The following SIM2 variants were observed in gnomAD, a reference collection of about 807,000 sequenced individuals.
The protein encoded by SIM2 is single-minded homolog 2.
A neutral mutation model predicts 64.8 loss-of-function variants in SIM2; 28 were observed. That is an observed-to-expected ratio of 0.43 (90% CI 0.32 to 0.59). The LOEUF is 0.59. Ranked by LOEUF, SIM2 falls within the 20% of genes least tolerant of loss-of-function variation. The probability of loss-of-function intolerance (pLI) is 0.07; values close to 1 mark genes in which losing one functional copy is unlikely to be tolerated. For missense variants in SIM2, 847 were observed against 871.4 expected, an observed-to-expected ratio of 0.97 and a Z score of 0.35; for synonymous variants, 408 against 391.1, an observed-to-expected ratio of 1.04 and a Z score of -0.51.
chr21:36,736,449 C>G (rs2089049584), intron 7 of SIM2, among the ~76,000 whole-genome samples: 1 of 152,208 alleles, frequency 6.6e-6, no homozygotes, highest in Non-Finnish European at 1.5e-5. Context: ...AGAATATTAT[C>G]TTCACTGGGA....
intron 1 of SIM2, 46 bp from the exon 2 acceptor site, chr21:36,709,122 G>A (rs762862050): frequency 6.5e-7 from 1 of 1,541,850 alleles, no homozygotes; most frequent in South Asian, 1.2e-5. Flanking sequence ...CCCAGGCATC[G>A]GGCTGGGCGC....
In SIM2 at chr21:36,723,102, A is replaced by T. The variant is rs865950932; in HGVS notation, c.515A>T (p.Asn172Ile). The T allele has an allele frequency of 1.9e-6, 3 of 1,614,100 alleles. No homozygotes were observed. The highest frequency in any genetic ancestry group is 2.5e-6 in the Non-Finnish European group (3 of 1,180,008). The change falls in exon 5 of 11, where the codon AAC (asparagine) becomes ATC (isoleucine). Residue 172 changes from asparagine (N) to isoleucine (I), a missense_variant. Physicochemically the swap from Asn to Ile is moderately radical, Grantham distance 149. Transcript: ENST00000290399. ...ATGAAATGTGTCTTGGCGAAAAGGA[A>T]CGCGGGCCTGACCTGCAGCGGATAC... ...LRMKCVLAKRNAGLTCSGYKV... is the reference protein window; with the variant it reads ...LRMKCVLAKRIAGLTCSGYKV...
intron 1 of SIM2, among the ~76,000 whole-genome samples, chr21:36,706,542 T>A (rs1213226655): frequency 6.6e-6 from 1 of 152,264 alleles, no homozygotes; most frequent in African/African-American, 2.4e-5. Context: ...TAGGTCCAGA[T>A]GAGGACCACG....
rs1273327486 is a variant in SIM2, at chr21:36,699,979, C to A, written c.175+58C>A. ...GGGAGCCCGGCGGCCCCGGCCCAGG[C>A]GGGAAGCGCAAGCCAGCCCGCCCAG... is the stretch of plus-strand genomic sequence containing the variant. On this transcript the variant is annotated intron_variant, in intron 1 of 10. Coordinates refer to ENST00000290399, the MANE Select transcript of SIM2 (RefSeq NM_005069.6). This position sits in a 1 kb window ranked among gnomAD's most constrained non-coding sequence, Gnocchi z 5.6. 1.3e-5 allele frequency: 20 copies of A among 1,505,316 alleles called. No individual in the cohort carries two copies. Among genetic ancestry groups the A allele is most frequent in the Non-Finnish European group, 1.8e-5 (20 of 1,128,534 alleles). The allele number at this position is 1,505,316 out of a possible 1,614,324, so 93.2% of individuals were successfully genotyped here.
rs144249525 is a variant in SIM2 at position 36,700,117 on chromosome 21, C to A, written c.175+196C>A. On this transcript the variant is annotated intron_variant, in intron 1 of 10. Transcript: ENST00000290399. The stretch of plus-strand genomic sequence containing the variant: ...GGGGCCAGGGCCTTGGCGGCCCAGG[C>A]GACCAAACCCTCTCCTGGTCCAGGG... Among the ~76,000 whole-genome samples the A allele has an allele frequency of 6.6e-5, 10 of 152,318 alleles. No homozygotes were observed. In the East Asian group the frequency reaches 1.9e-3, roughly 29 times the overall value.
intron 7 of SIM2, among the ~76,000 whole-genome samples, chr21:36,737,747 G>T (rs1483653805): frequency 6.6e-6 from 1 of 151,942 alleles, no homozygotes; most frequent in Non-Finnish European, 1.5e-5. Context: ...GTCACTTGGG[G>T]TCAGGAGTTT....
intron 8 of SIM2, among the ~76,000 whole-genome samples, chr21:36,743,097 T>G (rs2123503359): frequency 6.6e-6 from 1 of 152,298 alleles, no homozygotes; most frequent in East Asian, 1.9e-4. Context: ...CTTTTTCCCT[T>G]GGTGGCTTTC....
At chr21:36,732,223 G>C (rs758589547) in intron 7 of SIM2, among the ~76,000 whole-genome samples, 6 of 152,248 alleles carry the variant, frequency 3.9e-5, no homozygotes, top group Non-Finnish European at 8.8e-5. Flanking sequence ...GACTAATTTG[G>C]ATGGAGTGGA....
At chr21:36,743,645 A>C (rs2123504693) in intron 9 of SIM2, 90 bp downstream of exon 9, 32 of 1,242,708 alleles carry the variant, frequency 2.6e-5, no homozygotes, top group Non-Finnish European at 3.4e-5. Flanking sequence ...GGAGCCTCTC[A>C]TTGCACAGCA....
intron 6 of SIM2, among the ~76,000 whole-genome samples, chr21:36,729,017 C>T (rs995569975): frequency 6.6e-6 from 1 of 152,214 alleles, no homozygotes; most frequent in African/African-American, 2.4e-5. Context: ...TGGCAGATTC[C>T]TCTGACAGGT....
chr21:36,731,057 G>A lies in SIM2; in HGVS notation c.756G>A (p.Val252=). The A allele has an allele frequency of 6.2e-7, 1 of 1,613,972 alleles. No homozygotes were observed. Among genetic ancestry groups the A allele is most frequent in the Non-Finnish European group, 8.5e-7 (1 of 1,179,902 alleles). Residue 252 remains valine (V), a synonymous_variant, in exon 7 of 11, where the codon GTG becomes GTA. Coordinates refer to ENST00000290399, the MANE Select transcript of SIM2 (RefSeq NM_005069.6). ...LIFLDSRVTE[V]TGYEPQDLIE... ...CATGCCCCCACAGGGTGACCGAGGT[G>A]ACGGGGTACGAGCCGCAGGACCTGA... is the stretch of plus-strand genomic sequence containing the variant.
intron 1 of SIM2, among the ~76,000 whole-genome samples, chr21:36,705,082 G>T (rs980381856): frequency 6.6e-5 from 10 of 152,196 alleles, no homozygotes; most frequent in African/African-American, 2.4e-4. Context: ...CTTACGCCCT[G>T]GCACAGGTTC....
chr21:36,715,372 C>T (rs2088733364), intron 3 of SIM2, among the ~76,000 whole-genome samples: 1 of 152,026 alleles, frequency 6.6e-6, no homozygotes, highest in African/African-American at 2.4e-5. Flanking sequence ...CATTTTTGCA[C>T]CTTTTAGATT....
At chr21:36,703,249 C>T (rs932967633) in intron 1 of SIM2, among the ~76,000 whole-genome samples, 6 of 152,152 alleles carry the variant, frequency 3.9e-5, no homozygotes, top group Non-Finnish European at 5.9e-5. Flanking sequence ...GGGTAAGCAC[C>T]CCACTTGGTA....
chr21:36,704,986 T>A (rs1286238730), intron 1 of SIM2, among the ~76,000 whole-genome samples: 1 of 152,214 alleles, frequency 6.6e-6, no homozygotes, highest in Admixed American at 6.5e-5. Context: ...TTTACTGGGA[T>A]CCTTTTGTGG....
Position 36,745,302 on chromosome 21 carries a change from C to T in SIM2, c.1576+166C>T. On this transcript the variant is annotated intron_variant, in intron 10 of 10. Coordinates refer to ENST00000290399, the MANE Select transcript of SIM2 (RefSeq NM_005069.6). The surrounding 1 kb of genome is among the most constrained non-coding windows in gnomAD (Gnocchi z 4.8). ...TTGCTGTGCTTTCTTGCTCTCAATG[C>T]AGGTGCTCCTCGAGAGTGAGAAATG... is the stretch of plus-strand genomic sequence containing the variant. 1 of 1,451,548 alleles carries T rather than the reference C, an allele frequency of 6.9e-7. No homozygotes were observed. 89.9% of individuals were successfully genotyped at this position (1,451,548 alleles called of 1,614,324 possible).
intron 7 of SIM2, among the ~76,000 whole-genome samples, chr21:36,739,265 CT>C (rs1271961559): frequency 1.3e-5 from 2 of 152,192 alleles, no homozygotes; most frequent in South Asian, 2.1e-4. Flanking sequence ...ACTGATTATC[CT>C]TTTTTTATAA....
chr21:36,703,201 G>C (rs192296259), intron 1 of SIM2, among the ~76,000 whole-genome samples: 56 of 152,256 alleles, frequency 3.7e-4, no homozygotes, highest in African/African-American at 9.4e-4. Flanking sequence ...ACTCAGAGGG[G>C]TCCCTGTGTG....
At chr21:36,739,071 G>A (rs2089118800) in intron 7 of SIM2, among the ~76,000 whole-genome samples, 1 of 135,136 alleles carries the variant, frequency 7.4e-6, no homozygotes, top group African/African-American at 2.5e-5. Context: ...ATTTCATTCT[G>A]GTTAAACCTC....
Sources: gnomAD v4.1 joint callset for allele counts (sites outside exome capture counted in the v4.1 genomes callset) on GRCh38, gnomAD v4.1.1 for gene constraint, Gnocchi (gnomAD v3.1) non-coding constraint, MANE v1.5 for transcripts, NCBI Gene and HGNC (gene_info 2026-07-23, HGNC 2026-07-21) for gene names.